Variants in SCAPER observed in about 807,000 individuals in gnomAD.
SCAPER encodes S-phase cyclin A associated protein in the ER, also known as S phase cyclin A-associated protein in the endoplasmic reticulum.
SCAPER carries 98 observed loss-of-function variants against 182.2 expected under a neutral mutation model. The observed-to-expected ratio is 0.54, with a 90% CI of 0.46 to 0.64. The LOEUF is 0.64. Ranked by LOEUF, SCAPER falls within the 30% of genes least tolerant of loss-of-function variation. The probability of loss-of-function intolerance (pLI) is 0.00; values close to 1 mark genes in which losing one functional copy is unlikely to be tolerated. For synonymous variants in SCAPER, 605 were observed against 564.6 expected, an observed-to-expected ratio of 1.07 and a Z score of -1.01; for missense variants, 1,432 against 1,690.0, an observed-to-expected ratio of 0.85 and a Z score of 2.68.
At chr15:76,767,917 G>A (rs1346683196) in intron 10 of SCAPER, among the ~76,000 whole-genome samples, 1 of 151,988 alleles carries the variant, frequency 6.6e-6, no homozygotes. Flanking sequence ...GAAAGCTGAA[G>A]TATTAACATC....
At chr15:76,412,382 A>AATG (rs1209284944) in intron 26 of SCAPER, among the ~76,000 whole-genome samples, 2 of 152,156 alleles carry the variant, frequency 1.3e-5, no homozygotes, top group Non-Finnish European at 2.9e-5. Flanking sequence ...GACTGTAAAA[A>AATG]ATGTACCACT....
intron 17 of SCAPER, among the ~76,000 whole-genome samples, chr15:76,728,079 T>C (rs1254585099): frequency 6.6e-6 from 1 of 152,082 alleles, no homozygotes; most frequent in African/African-American, 2.4e-5. Flanking sequence ...GTCACACCAA[T>C]AAAAGGGACT....
intron 21 of SCAPER, among the ~76,000 whole-genome samples, chr15:76,648,211 C>A (rs731731): frequency 6.7e-6 from 1 of 148,346 alleles, no homozygotes; most frequent in East Asian, 2.0e-4. Flanking sequence ...CAAGAAATAT[C>A]GAGAAACTGA....
At chr15:76,765,306 A>C in intron 13 of SCAPER, 31 bp downstream of exon 13, 2 of 1,550,636 alleles carry the variant, frequency 1.3e-6, no homozygotes, top group Non-Finnish European at 8.9e-7. Context: ...CTTGCTGTGA[A>C]CCATTTCAAA....
intron 26 of SCAPER, among the ~76,000 whole-genome samples, chr15:76,405,344 T>C (rs2044751054): frequency 6.6e-6 from 1 of 152,036 alleles, no homozygotes; most frequent in African/African-American, 2.4e-5. Context: ...CTTGAACTTC[T>C]GGCCTGATGC....
chr15:76,753,989 A>T, intron 14 of SCAPER, 41 bp from the exon 15 acceptor site: 1 of 1,589,560 alleles, frequency 6.3e-7, no homozygotes, highest in Non-Finnish European at 8.6e-7. Flanking sequence ...TTCAATATAT[A>T]CAATCATTTA....
In SCAPER at chr15:76,594,294, A is replaced by C. The variant is rs2145712902; in HGVS notation, c.2712-20010T>G. 1.7e-5 allele frequency among the ~76,000 whole-genome samples: 2 copies of C among 120,682 alleles called. 1 individual carries two copies. The highest frequency in any genetic ancestry group is 0.01 in the Middle Eastern group (2 of 200). 79.2% of individuals were successfully genotyped at this position (120,682 alleles called of 152,430 possible). A position where few individuals can be genotyped will look rare whatever the true frequency, so the allele number is the denominator to read the frequency against. ...ATTAGAGAAAAAAGAATAGAAAGGA[A>C]TGAACAAAGCCCCCAAGAAATACGG... On this transcript the variant is annotated intron_variant, in intron 22 of 31. Transcript: ENST00000563290.
At chr15:76,559,692 T>C (rs2046460903) in intron 23 of SCAPER, among the ~76,000 whole-genome samples, 1 of 151,968 alleles carries the variant, frequency 6.6e-6, no homozygotes, top group Non-Finnish European at 1.5e-5. Flanking sequence ...TAAATATGAG[T>C]ACACATGAAC....
rs147882456 is a variant in SCAPER at position 76,760,014 on chromosome 15, T to C, written c.1725+4947A>G. On this transcript the variant is annotated intron_variant, in intron 14 of 31. Coordinates refer to ENST00000563290, the MANE Select transcript of SCAPER (RefSeq NM_020843.4). Reference sequence around the variant, plus strand: ...GTTGTAAGAGATAGGAAAAACTAAATTGTTTTTCCTACTCTCACATACAAC... The same window carrying C: ...GTTGTAAGAGATAGGAAAAACTAAACTGTTTTTCCTACTCTCACATACAAC... 8.1e-3 allele frequency among the ~76,000 whole-genome samples: 1,234 copies of C among 152,288 alleles called. 13 individuals carry two copies. Among genetic ancestry groups the C allele is most frequent in the African/African-American group, 0.028 (1,171 of 41,568 alleles).
At chr15:76,837,788 C>T (rs148707301) in intron 5 of SCAPER, among the ~76,000 whole-genome samples, 75 of 152,216 alleles carry the variant, frequency 4.9e-4, no homozygotes, top group Middle Eastern at 3.4e-3. Flanking sequence ...AATACACACA[C>T]GAGCATATGA....
rs759914954 is a variant in SCAPER, at chr15:76,433,761, T to C, written c.3311+317A>G. ...ATTGTGCTCTTCCGTGTTTTCCAAA[T>C]TGTGTTTATCATTGAGCATGTATTA... is the stretch of plus-strand genomic sequence containing the variant. On this transcript the variant is annotated intron_variant, in intron 26 of 31. Coordinates refer to ENST00000563290, the MANE Select transcript of SCAPER (RefSeq NM_020843.4). Among the ~76,000 whole-genome samples the C allele has an allele frequency of 1.4e-4, 22 of 152,228 alleles. 1 individual carries two copies. The highest frequency in any genetic ancestry group is 4.1e-4 in the South Asian group (2 of 4,832).
rs561949797 is a variant in SCAPER at position 76,560,665 on chromosome 15, T to G, written c.2838+13493A>C. Among the ~76,000 whole-genome samples, 4 of 152,316 alleles carry G rather than the reference T, an allele frequency of 2.6e-5. No homozygotes were observed. In the South Asian group the frequency reaches 8.3e-4, roughly 32 times the overall value. On this transcript the variant is annotated intron_variant, in intron 23 of 31. Coordinates refer to ENST00000563290, the MANE Select transcript of SCAPER (RefSeq NM_020843.4). ...CACTTTCAACAATCCTGTTTCTTCA[T>G]AGTTCCTGGGAATGGAATAGAAAAT...
chr15:76,377,047 G>A (rs1211494087), intron 28 of SCAPER, among the ~76,000 whole-genome samples: 2 of 152,110 alleles, frequency 1.3e-5, no homozygotes, highest in Admixed American at 6.6e-5. Flanking sequence ...GGGGAGAGGC[G>A]AAGCCCACAG....
chr15:76,837,296 T>C (rs1012927104), intron 5 of SCAPER, among the ~76,000 whole-genome samples: 2 of 152,340 alleles, frequency 1.3e-5, no homozygotes, highest in Admixed American at 1.3e-4. Flanking sequence ...TGTATCAGTC[T>C]GCTCTCACAC....
At chr15:76,800,435 G>T in intron 6 of SCAPER, 71 bp from the exon 7 acceptor site, 1 of 959,488 alleles carries the variant, frequency 1.0e-6, no homozygotes. Context: ...TTTTCTCTTG[G>T]TTGTTAGTGG....
chr15:76,875,045 G>GA (rs145022784), intron 2 of SCAPER, among the ~76,000 whole-genome samples: 7,535 of 152,116 alleles, frequency 0.05, 547 homozygotes, highest in African/African-American at 0.16. Context: ...CAAGTCCGTT[G>GA]AAAAACATAA....
At chr15:76,432,493 C>T (rs112319720) in intron 26 of SCAPER, among the ~76,000 whole-genome samples, 2,829 of 152,296 alleles carry the variant, frequency 0.019, 83 homozygotes, top group African/African-American at 0.063. Context: ...CAGAGGAGTG[C>T]ATTCTTGTTC....
At chr15:76,897,518 C>A (rs1032046765) in intron 1 of SCAPER, among the ~76,000 whole-genome samples, 1 of 152,148 alleles carries the variant, frequency 6.6e-6, no homozygotes, top group Admixed American at 6.6e-5. Flanking sequence ...CCAGCCTGGA[C>A]AACATGGCAA....
At chr15:76,848,851 C>T (rs962019856) in intron 4 of SCAPER, among the ~76,000 whole-genome samples, 1 of 152,046 alleles carries the variant, frequency 6.6e-6, no homozygotes, top group Non-Finnish European at 1.5e-5. Flanking sequence ...CTAGGAACCC[C>T]CACCCCTACT....
Sources: allele counts gnomAD v4.1 joint callset (sites outside exome capture counted in the v4.1 genomes callset), GRCh38; gene constraint gnomAD v4.1.1; transcripts MANE v1.5; gene names NCBI Gene and HGNC (gene_info 2026-07-23, HGNC 2026-07-21).